Variants in LRBA observed in about 807,000 individuals in gnomAD.
LRBA encodes lipopolysaccharide-responsive and beige-like anchor protein.
In LRBA, 176 loss-of-function variants were observed where a neutral mutation model predicts 330.0. The ratio of observed to expected loss-of-function variants is 0.53; its 90% CI spans 0.47 to 0.60. The LOEUF (loss-of-function observed/expected upper bound fraction) is 0.60, where lower values mean the gene tolerates loss of function less well. LRBA is among the 20% of genes least tolerant of loss of function. The pLI is 0.00. For missense variants in LRBA, 3,259 were observed against 3,444.8 expected (o/e 0.95, Z 1.35); for synonymous variants, 1,230 against 1,193.0 (o/e 1.03, Z -0.64).
Position 150,435,574 on chromosome 4 carries a change from A to G in LRBA, c.7041+15T>C. On this transcript the variant is annotated intron_variant, in intron 46 of 56. Transcript: ENST00000651943. ...GCACTGGCAATAACAACTATAAAAC[A>G]AAACATTTCTGTACCTTAATATCAG... 1 of 1,594,510 alleles carries G rather than the reference A, an allele frequency of 6.3e-7. No individual in the cohort carries two copies. The highest frequency in any genetic ancestry group is 1.2e-5 in the South Asian group (1 of 86,704).
intron 30 of LRBA, among the ~76,000 whole-genome samples, chr4:150,825,149 A>C (rs148253763): frequency 6.6e-6 from 1 of 152,354 alleles, no homozygotes; most frequent in African/African-American, 2.4e-5. Flanking sequence ...ACAAACACTT[A>C]GAAATAGTAC....
intron 36 of LRBA, among the ~76,000 whole-genome samples, chr4:150,731,287 AG>A: frequency 6.6e-6 from 1 of 152,326 alleles, no homozygotes; most frequent in South Asian, 2.1e-4. Flanking sequence ...TCCCACTGCT[AG>A]GTATATATCC....
At chr4:150,429,886 T>C (rs1750143743) in intron 46 of LRBA, among the ~76,000 whole-genome samples, 1 of 152,174 alleles carries the variant, frequency 6.6e-6, no homozygotes, top group African/African-American at 2.4e-5. Flanking sequence ...TATGTCTATT[T>C]TATTCTTTTA....
intron 35 of LRBA, among the ~76,000 whole-genome samples, chr4:150,740,669 TAAAG>T (rs1731830162): frequency 1.3e-5 from 2 of 150,144 alleles, no homozygotes; most frequent in Admixed American, 6.6e-5. Context: ...AGTTAAAACT[TAAAG>T]AAAAAAGTAT....
intron 45 of LRBA, 124 bp from the exon 46 acceptor site, chr4:150,435,832 T>C (rs1181782931): frequency 1.8e-6 from 1 of 547,760 alleles, no homozygotes; most frequent in Non-Finnish European, 3.1e-6. Flanking sequence ...AAACTAGGTA[T>C]ATAATGAGAA....
chr4:150,397,566 C>T (rs1015021052), intron 47 of LRBA, among the ~76,000 whole-genome samples: 1 of 152,208 alleles, frequency 6.6e-6, no homozygotes, highest in African/African-American at 2.4e-5. Flanking sequence ...ATATGTGCCA[C>T]CATGCCAGGC....
intron 37 of LRBA, among the ~76,000 whole-genome samples, chr4:150,672,392 A>C (rs1782144116): frequency 1.3e-5 from 2 of 151,766 alleles, no homozygotes. Context: ...GACAGTGAAC[A>C]TTCTGCTTTT....
chr4:150,600,128 GT>G (rs1773969432), intron 37 of LRBA, among the ~76,000 whole-genome samples: 1 of 151,512 alleles, frequency 6.6e-6, no homozygotes, highest in South Asian at 2.1e-4. Flanking sequence ...ATACTAAAGT[GT>G]TTTCAGTTAT....
intron 48 of LRBA, among the ~76,000 whole-genome samples, chr4:150,344,900 G>A (rs775864021): frequency 1.3e-5 from 2 of 151,734 alleles, no homozygotes; most frequent in Admixed American, 6.6e-5. Flanking sequence ...TGGCTCCTGT[G>A]TCTCTCTCTC....
intron 53 of LRBA, among the ~76,000 whole-genome samples, chr4:150,300,463 TTACTC>T (rs980205112): frequency 3.3e-5 from 5 of 152,042 alleles, no homozygotes; most frequent in East Asian, 1.9e-4. Flanking sequence ...ATTATAATAT[TTACTC>T]TAATGCCAAC....
At chr4:150,986,846 G>A (rs1295381075) in intron 2 of LRBA, among the ~76,000 whole-genome samples, 2 of 152,182 alleles carry the variant, frequency 1.3e-5, no homozygotes, top group African/African-American at 2.4e-5. Flanking sequence ...AAGTGAGGGG[G>A]AAGGCAGTAA....
Position 150,265,695 on chromosome 4 carries a change from G to C in LRBA, c.*27C>G. 2 of 1,433,076 alleles carry C rather than the reference G, an allele frequency of 1.4e-6. No homozygotes were observed. The highest frequency in any genetic ancestry group is 2.0e-6 in the Non-Finnish European group (2 of 1,014,806). The allele number at this position is 1,433,076 out of a possible 1,614,324, so 88.8% of individuals were successfully genotyped here. A position where few individuals can be genotyped will look rare whatever the true frequency, so the allele number is the denominator to read the frequency against. On this transcript the variant is annotated 3_prime_UTR_variant, in exon 57 of 57. Coordinates refer to ENST00000651943, the MANE Select transcript of LRBA (RefSeq NM_001364905.1). ...TCCAGGTACTTCTGCTCATCCTAGG[G>C]GCAGAGTTGATGTACAGCTGTCACC...
chr4:150,337,579 T>C (rs1319179754), intron 48 of LRBA, among the ~76,000 whole-genome samples: 1 of 152,210 alleles, frequency 6.6e-6, no homozygotes, highest in Non-Finnish European at 1.5e-5. Context: ...ATCCTTACCG[T>C]TTATTTGGCT....
chr4:150,567,839 A>G (rs1769330216), intron 40 of LRBA, among the ~76,000 whole-genome samples: 1 of 152,192 alleles, frequency 6.6e-6, no homozygotes. Flanking sequence ...AGCATGTACT[A>G]TTTACCTAGG....
intron 46 of LRBA, among the ~76,000 whole-genome samples, chr4:150,435,126 C>G (rs2151992418): frequency 6.6e-6 from 1 of 152,122 alleles, no homozygotes; most frequent in Non-Finnish European, 1.5e-5. Flanking sequence ...AGGCAGATCA[C>G]TTGAGGTCAG....
intron 48 of LRBA, among the ~76,000 whole-genome samples, chr4:150,334,571 T>G (rs1420087695): frequency 6.6e-6 from 1 of 152,118 alleles, no homozygotes. Flanking sequence ...CATGAACACT[T>G]GCATGCAAAA....
chr4:150,583,680 G>A lies in LRBA; in HGVS notation c.6330+4368C>T. On this transcript the variant is annotated intron_variant, in intron 40 of 56. Transcript: ENST00000651943. The surrounding 1 kb of genome is among the most constrained non-coding windows in gnomAD (Gnocchi z 9.8). Reference sequence around the variant, plus strand: ...ACTTGCTCTCGAAGGAGTGCTACTCGCTGACCGGCAAGCAGAGCTCGGCAG... The same window carrying A: ...ACTTGCTCTCGAAGGAGTGCTACTCACTGACCGGCAAGCAGAGCTCGGCAG... The A allele has an allele frequency of 6.2e-7, 1 of 1,613,752 alleles. No homozygotes were observed. The highest frequency in any genetic ancestry group is 8.5e-7 in the Non-Finnish European group (1 of 1,179,902).
intron 37 of LRBA, among the ~76,000 whole-genome samples, chr4:150,642,576 G>T (rs1483994106): frequency 6.6e-6 from 1 of 151,878 alleles, no homozygotes; most frequent in African/African-American, 2.4e-5. Flanking sequence ...GGTGTAATTA[G>T]ATGAAGGGTT....
intron 34 of LRBA, among the ~76,000 whole-genome samples, chr4:150,791,956 G>A (rs899620497): frequency 7.1e-6 from 1 of 140,634 alleles, no homozygotes; most frequent in Admixed American, 7.9e-5. Context: ...ATGAACCCGG[G>A]AGATGGAGGT....
Sources: gnomAD v4.1 joint callset for allele counts (sites outside exome capture counted in the v4.1 genomes callset) on GRCh38, gnomAD v4.1.1 for gene constraint, Gnocchi (gnomAD v3.1) non-coding constraint, MANE v1.5 for transcripts, NCBI Gene and HGNC (gene_info 2026-07-23, HGNC 2026-07-21) for gene names.